Variants in HEATR5B observed in about 807,000 individuals in gnomAD.
The protein encoded by HEATR5B is HEAT repeat-containing protein 5B.
In HEATR5B, 156 loss-of-function variants were observed where a neutral mutation model predicts 224.1. That is an observed-to-expected ratio of 0.70 (90% confidence interval 0.61 to 0.80). The LOEUF (loss-of-function observed/expected upper bound fraction) is 0.80, where lower values mean the gene tolerates loss of function less well. Ranked by LOEUF, HEATR5B falls within the 30% of genes least tolerant of loss-of-function variation. The probability of loss-of-function intolerance (pLI) is 0.00; values close to 1 mark genes in which losing one functional copy is unlikely to be tolerated. For missense variants in HEATR5B, 2,323 were observed against 2,535.5 expected (o/e 0.92, Z 1.80); for synonymous variants, 1,027 against 893.0 (o/e 1.15, Z -2.68).
intron 27 of HEATR5B, among the ~76,000 whole-genome samples, chr2:37,009,877 G>C (rs1346027155): frequency 2.6e-5 from 4 of 150,966 alleles, no homozygotes; most frequent in Admixed American, 2.0e-4. Context: ...AAGCAGCTGA[G>C]AGGCAAAAAG....
intron 5 of HEATR5B, among the ~76,000 whole-genome samples, chr2:37,074,059 C>T (rs576418380): frequency 4.6e-5 from 7 of 152,094 alleles, no homozygotes; most frequent in Non-Finnish European, 1.0e-4. Context: ...TGGTGGCTCA[C>T]GCCTGTAATC....
chr2:36,983,766 A>G (rs1344505966), intron 35 of HEATR5B, among the ~76,000 whole-genome samples: 1 of 152,072 alleles, frequency 6.6e-6, no homozygotes, highest in Non-Finnish European at 1.5e-5. Context: ...GCTGGCTTTC[A>G]TAATAAAAAT....
chr2:37,061,609 C>G (rs1385625338), intron 11 of HEATR5B, among the ~76,000 whole-genome samples: 1 of 152,166 alleles, frequency 6.6e-6, no homozygotes, highest in African/African-American at 2.4e-5. Flanking sequence ...CTTTACCACT[C>G]TTCTAAAATC....
Position 37,083,327 on chromosome 2 carries a change from AC to A in HEATR5B, c.87del (p.Trp29CysfsTer17). The A allele has an allele frequency of 6.2e-7, 1 of 1,614,130 alleles. No homozygotes were observed. Among genetic ancestry groups the A allele is most frequent in the Non-Finnish European group, 8.5e-7 (1 of 1,179,988 alleles). ...ACCAAGACTTTATCAAGAAATCGCA[AC>A]CATTCAAAGATGAAAACTGGTCTTT... ...EAKRPVFIFE[W>X]LRFLDKVLVA... On this transcript the variant is annotated frameshift_variant, in exon 2 of 36. Coordinates refer to ENST00000233099, the MANE Select transcript of HEATR5B (RefSeq NM_019024.3). LOFTEE classifies it high-confidence loss of function.
At chr2:37,054,322 G>A (rs1186337978) in intron 16 of HEATR5B, among the ~76,000 whole-genome samples, 1 of 150,534 alleles carries the variant, frequency 6.6e-6, no homozygotes, top group African/African-American at 2.4e-5. Flanking sequence ...AGCCTCCCGA[G>A]TAGCATGCGC....
At chr2:37,025,707 A>C (rs765295520) in intron 24 of HEATR5B, among the ~76,000 whole-genome samples, 3 of 152,288 alleles carry the variant, frequency 2.0e-5, no homozygotes, top group Admixed American at 1.3e-4. Context: ...ACTAAGGTAA[A>C]AGGACAAGAC....
At chr2:37,058,050 A>G (rs767943179) in intron 14 of HEATR5B, among the ~76,000 whole-genome samples, 5 of 152,152 alleles carry the variant, frequency 3.3e-5, no homozygotes, top group Non-Finnish European at 7.4e-5. Flanking sequence ...ATTATTTGCT[A>G]TATTACAGTA....
At chr2:37,008,589 A>G (rs997990916) in intron 28 of HEATR5B, 22 bp downstream of exon 28, 3 of 1,531,164 alleles carry the variant, frequency 2.0e-6, no homozygotes, top group East Asian at 4.5e-5. Flanking sequence ...CATAAAAGTA[A>G]AACTCAGAAT....
intron 12 of HEATR5B, among the ~76,000 whole-genome samples, chr2:37,060,136 T>C (rs201359392): frequency 1.4e-4 from 22 of 152,316 alleles, no homozygotes; most frequent in East Asian, 3.9e-4. Context: ...CTGAAAAATA[T>C]ATGAAGGTTT....
At chr2:37,084,166 G>A (rs1346711627) in intron 1 of HEATR5B, 103 bp downstream of exon 1, 1 of 246,172 alleles carries the variant, frequency 4.1e-6, no homozygotes, top group Non-Finnish European at 7.8e-6. Flanking sequence ...AGCCAGAAAA[G>A]GGAAAATGTT....
chr2:37,062,358 A>AGG (rs1019840389), intron 10 of HEATR5B, among the ~76,000 whole-genome samples: 1 of 152,128 alleles, frequency 6.6e-6, no homozygotes, highest in Non-Finnish European at 1.5e-5. Flanking sequence ...TGAACTGGGG[A>AGG]GGCGGAGGTT....
chr2:37,011,553 T>C (rs1667788474), intron 27 of HEATR5B, among the ~76,000 whole-genome samples: 1 of 152,228 alleles, frequency 6.6e-6, no homozygotes, highest in African/African-American at 2.4e-5. Context: ...TATTCTATCT[T>C]TGTAAGTTAT....
intron 6 of HEATR5B, 48 bp from the exon 7 acceptor site, chr2:37,070,435 C>T: frequency 3.5e-6 from 5 of 1,430,352 alleles, no homozygotes; most frequent in Middle Eastern, 1.8e-4. Context: ...TTCTGAGGCA[C>T]TCTAGCTTAA....
At chr2:37,041,812 A>T (rs1197614834) in intron 18 of HEATR5B, among the ~76,000 whole-genome samples, 1 of 151,372 alleles carries the variant, frequency 6.6e-6, no homozygotes, top group Non-Finnish European at 1.5e-5. Context: ...AATAAAGCCT[A>T]TTTTAATTTT....
intron 22 of HEATR5B, among the ~76,000 whole-genome samples, chr2:37,029,981 G>T: frequency 8.5e-6 from 1 of 117,048 alleles, no homozygotes; most frequent in African/African-American, 3.6e-5. Context: ...ATAAAAATTG[G>T]GAAAATCCAA....
intron 2 of HEATR5B, 103 bp downstream of exon 2, chr2:37,083,186 G>C: frequency 7.7e-7 from 1 of 1,306,836 alleles, no homozygotes; most frequent in Non-Finnish European, 1.1e-6. Flanking sequence ...AGTTCCATAA[G>C]TGACCCATAA....
intron 21 of HEATR5B, among the ~76,000 whole-genome samples, chr2:37,034,998 T>A (rs936513660): frequency 1.3e-5 from 2 of 152,240 alleles, no homozygotes; most frequent in Non-Finnish European, 2.9e-5. Context: ...AGTTTCTGCC[T>A]TTTTATTTTT....
intron 8 of HEATR5B, among the ~76,000 whole-genome samples, chr2:37,068,474 A>C (rs940197842): frequency 1.3e-5 from 2 of 152,182 alleles, no homozygotes; most frequent in Non-Finnish European, 2.9e-5. Flanking sequence ...CAGAAAACAC[A>C]ATCTTACCAA....
intron 23 of HEATR5B, among the ~76,000 whole-genome samples, 170 bp from the exon 24 acceptor site, chr2:37,028,344 G>C (rs1266510011): frequency 1.3e-5 from 2 of 151,836 alleles, no homozygotes; most frequent in African/African-American, 4.8e-5. Flanking sequence ...CCAAGGAAAA[G>C]ATAACATAAA....
Sources: allele counts gnomAD v4.1 joint callset (sites outside exome capture counted in the v4.1 genomes callset), GRCh38; gene constraint gnomAD v4.1.1; transcripts MANE v1.5; gene names NCBI Gene and HGNC (gene_info 2026-07-23, HGNC 2026-07-21).